NELL1: variants seen among roughly 807,000 people sequenced by gnomAD.
NELL1 encodes the protein protein kinase C-binding protein NELL1.
A neutral mutation model predicts 107.4 loss-of-function variants in NELL1; 76 were observed. The ratio of observed to expected loss-of-function variants is 0.71; its 90% CI spans 0.59 to 0.86. NELL1 has a LOEUF of 0.86. Among genes scored for constraint, NELL1 ranks in the 40% least tolerant of loss-of-function variants. The pLI is 0.00. For missense variants in NELL1, 1,024 were observed against 1,005.5 expected, an observed-to-expected ratio of 1.02 and a Z score of -0.25; for synonymous variants, 353 against 341.2, an observed-to-expected ratio of 1.03 and a Z score of -0.38.
At position 20,788,487 on chromosome 11, in the gene NELL1, C is replaced by T. The variant is rs993152549; in HGVS notation, c.335+4657C>T. On this transcript the variant is annotated intron_variant, in intron 3 of 19. Coordinates refer to ENST00000357134, the MANE Select transcript of NELL1 (RefSeq NM_006157.5). ...GAGTATCTTTTCATAAGCTTATTGACGATTTGTGTATCTTTGGAGAAATGT... is the reference window on the plus strand; with the variant it reads ...GAGTATCTTTTCATAAGCTTATTGATGATTTGTGTATCTTTGGAGAAATGT... Among the ~76,000 whole-genome samples, 11 of 152,220 alleles carry T rather than the reference C, an allele frequency of 7.2e-5. No homozygotes were observed. The East Asian group carries it at 1.4e-3, about 19-fold the overall frequency.
At chr11:21,041,352 G>C (rs1853227071) in intron 12 of NELL1, among the ~76,000 whole-genome samples, 1 of 152,130 alleles carries the variant, frequency 6.6e-6, no homozygotes, top group Non-Finnish European at 1.5e-5. Context: ...TAATATCATG[G>C]CATTAATGGA....
At chr11:21,241,625 T>A (rs10766778) in intron 14 of NELL1, among the ~76,000 whole-genome samples, 1 of 151,898 alleles carries the variant, frequency 6.6e-6, no homozygotes, top group African/African-American at 2.4e-5. Context: ...TTGGGGGTAG[T>A]GCTAACTGTA....
intron 4 of NELL1, among the ~76,000 whole-genome samples, chr11:20,856,147 G>A (rs984354924): frequency 1.3e-5 from 2 of 152,156 alleles, no homozygotes; most frequent in Non-Finnish European, 2.9e-5. Flanking sequence ...AGGCTTGCAC[G>A]GAAAATGTTT....
intron 12 of NELL1, among the ~76,000 whole-genome samples, chr11:21,030,192 A>G (rs1852918687): frequency 6.6e-6 from 1 of 152,186 alleles, no homozygotes; most frequent in Non-Finnish European, 1.5e-5. Flanking sequence ...ATCTTGTATG[A>G]GAAAATTGTT....
At chr11:21,359,825 C>T (rs1040412956) in intron 14 of NELL1, among the ~76,000 whole-genome samples, 3 of 151,970 alleles carry the variant, frequency 2.0e-5, no homozygotes, top group South Asian at 2.1e-4. Flanking sequence ...TCTGTGGTAT[C>T]GTCGTAATAT....
intron 3 of NELL1, among the ~76,000 whole-genome samples, chr11:20,816,637 C>A (rs1857629324): frequency 1.3e-5 from 2 of 152,030 alleles, no homozygotes; most frequent in Admixed American, 1.3e-4. Flanking sequence ...TTATTTATTT[C>A]TGTTGCTAGA....
rs568373858 is a variant in NELL1, at chr11:21,035,744, G to C, written c.1300+75184G>C. ...CGAAGGAACATACTTCAAAATGATAGGAGCCATCTATGACAAACCCACAGC... is the reference window on the plus strand; with the variant it reads ...CGAAGGAACATACTTCAAAATGATACGAGCCATCTATGACAAACCCACAGC... On this transcript the variant is annotated intron_variant, in intron 12 of 19. Coordinates refer to ENST00000357134, the MANE Select transcript of NELL1 (RefSeq NM_006157.5). 4.2e-3 allele frequency among the ~76,000 whole-genome samples: 645 copies of C among 152,060 alleles called. 6 individuals are homozygous for C. The highest frequency in any genetic ancestry group is 0.015 in the African/African-American group (605 of 41,512).
In NELL1 at chr11:20,727,832, G is replaced by A. The variant is rs9630160; in HGVS notation, c.184+49772G>A. Among the ~76,000 whole-genome samples the A allele has an allele frequency of 5.3e-3, 809 of 152,016 alleles. 4 individuals are homozygous for A. The highest frequency in any genetic ancestry group is 0.018 in the African/African-American group (728 of 41,494). ...CTACATATGGCTAGCCAGTTTTCCC[G>A]GAACCTCAAATGGTAGTTTTGTTTT... On this transcript the variant is annotated intron_variant, in intron 2 of 19. Coordinates refer to ENST00000357134, the MANE Select transcript of NELL1 (RefSeq NM_006157.5).
At chr11:21,114,566 C>T (rs932277325) in intron 13 of NELL1, among the ~76,000 whole-genome samples, 10 of 150,236 alleles carry the variant, frequency 6.7e-5, no homozygotes, top group African/African-American at 2.4e-4. Context: ...CTTTTTTTTT[C>T]TGAATGACCT....
intron 2 of NELL1, among the ~76,000 whole-genome samples, chr11:20,738,690 G>A (rs1163472771): frequency 2.0e-5 from 3 of 152,194 alleles, no homozygotes; most frequent in Non-Finnish European, 4.4e-5. Flanking sequence ...GTCCCCACAT[G>A]TAAAGTGTAG....
intron 12 of NELL1, among the ~76,000 whole-genome samples, chr11:21,043,746 G>A (rs973747232): frequency 2.0e-5 from 3 of 152,104 alleles, no homozygotes; most frequent in African/African-American, 7.2e-5. Context: ...GAATGAGTTT[G>A]AGATATATTT....
At chr11:21,471,100 T>C (rs148154391) in intron 15 of NELL1, among the ~76,000 whole-genome samples, 46 of 152,246 alleles carry the variant, frequency 3.0e-4, no homozygotes, top group African/African-American at 1.1e-3. Context: ...AGGACTTCTT[T>C]CCAGATTTAT....
chr11:20,994,471 A>G (rs1442350168), intron 12 of NELL1, among the ~76,000 whole-genome samples: 2 of 152,260 alleles, frequency 1.3e-5, no homozygotes, highest in African/African-American at 4.8e-5. Flanking sequence ...CAGAAAGTCA[A>G]TCAGCTAAAA....
At chr11:21,165,727 A>G (rs1437851902) in intron 13 of NELL1, among the ~76,000 whole-genome samples, 1 of 147,754 alleles carries the variant, frequency 6.8e-6, no homozygotes, top group Non-Finnish European at 1.5e-5. Context: ...TACACTCTGG[A>G]GTACTCTTTA....
intron 12 of NELL1, among the ~76,000 whole-genome samples, chr11:21,099,698 G>A (rs2133702696): frequency 6.6e-6 from 1 of 152,284 alleles, no homozygotes; most frequent in Admixed American, 6.5e-5. Context: ...GGAAACCCAA[G>A]TTCAGAAATC....
intron 14 of NELL1, among the ~76,000 whole-genome samples, chr11:21,250,676 GTAT>G: frequency 6.6e-6 from 1 of 152,144 alleles, no homozygotes; most frequent in Non-Finnish European, 1.5e-5. Flanking sequence ...TCCATAAATT[GTAT>G]TATCTTGAGC....
At chr11:20,838,448 G>A in intron 3 of NELL1, among the ~76,000 whole-genome samples, 1 of 151,404 alleles carries the variant, frequency 6.6e-6, no homozygotes, top group Non-Finnish European at 1.5e-5. Flanking sequence ...TCTTAATAGG[G>A]CAGACTGGGT....
Position 21,500,874 on chromosome 11 carries a change from G to T in NELL1, c.1646-33500G>T, listed in dbSNP as rs79777416. Among the ~76,000 whole-genome samples, 2,551 of 152,144 alleles carry T rather than the reference G, an allele frequency of 0.017. 200 individuals carry two copies. The East Asian group carries it at 0.26, about 16-fold the overall frequency. On this transcript the variant is annotated intron_variant, in intron 15 of 19. Coordinates refer to ENST00000357134, the MANE Select transcript of NELL1 (RefSeq NM_006157.5). The stretch of plus-strand genomic sequence containing the variant: ...GAAACTGATGTCCAACATCATACTT[G>T]CCGTTGTTAAGTGTAAGACTCAAAC...
intron 11 of NELL1, among the ~76,000 whole-genome samples, chr11:20,954,872 A>C (rs559209732): frequency 6.6e-6 from 1 of 152,334 alleles, no homozygotes; most frequent in East Asian, 1.9e-4. Flanking sequence ...TATGCATTGG[A>C]AAATCAACAC....
Sources: gnomAD v4.1 joint callset for allele counts (sites outside exome capture counted in the v4.1 genomes callset) on GRCh38, gnomAD v4.1.1 for gene constraint, MANE v1.5 for transcripts, NCBI Gene and HGNC (gene_info 2026-07-23, HGNC 2026-07-21) for gene names.